SLC30A7: variants seen among roughly 807,000 people sequenced by gnomAD.
SLC30A7 encodes the protein solute carrier family 30 member 7.
SLC30A7 carries 35 observed loss-of-function variants against 46.0 expected under a neutral mutation model. That is an observed-to-expected ratio of 0.76 (90% confidence interval 0.58 to 1.01). The LOEUF is 1.01. Among genes scored for constraint, SLC30A7 ranks in the 50% least tolerant of loss-of-function variants. The probability of loss-of-function intolerance (pLI) is 0.00; values close to 1 mark genes in which losing one functional copy is unlikely to be tolerated. For missense variants in SLC30A7, 464 were observed against 451.1 expected (o/e 1.03, Z -0.26); for synonymous variants, 147 against 157.8 (o/e 0.93, Z 0.51).
chr1:100,949,710 C>G lies in SLC30A7; in HGVS notation c.843-12118C>G, dbSNP rs77104752. Among the ~76,000 whole-genome samples, 998 of 152,274 alleles carry G rather than the reference C, an allele frequency of 6.6e-3. 17 individuals carry two copies. The highest frequency in any genetic ancestry group is 0.021 in the African/African-American group (869 of 41,554). ...GGCTGTTTTGTTTACCTACTCAAGCCTCAGCAATACAGATGCCCCTCCCCC... is the reference window on the plus strand; with the variant it reads ...GGCTGTTTTGTTTACCTACTCAAGCGTCAGCAATACAGATGCCCCTCCCCC... On this transcript the variant is annotated intron_variant, in intron 8 of 10. Coordinates refer to ENST00000357650, the MANE Select transcript of SLC30A7 (RefSeq NM_133496.5).
At chr1:100,964,571 C>T (rs1452252270) in intron 9 of SLC30A7, among the ~76,000 whole-genome samples, 3 of 152,166 alleles carry the variant, frequency 2.0e-5, no homozygotes, top group African/African-American at 7.2e-5. Flanking sequence ...CATCTTCTTT[C>T]TACTGTATCA....
At chr1:100,923,006 T>G (rs866357127) in intron 8 of SLC30A7, among the ~76,000 whole-genome samples, 25 of 25,100 alleles carry the variant, frequency 1.0e-3, no homozygotes, top group African/African-American at 6.5e-3. Context: ...TAGAATAGAT[T>G]TTTTTTTTTT....
intron 8 of SLC30A7, among the ~76,000 whole-genome samples, chr1:100,936,419 A>G (rs971690508): frequency 1.3e-5 from 2 of 152,128 alleles, no homozygotes; most frequent in Admixed American, 6.5e-5. Context: ...ACACACTCCT[A>G]TATGTACTCT....
intron 4 of SLC30A7, 69 bp downstream of exon 4, chr1:100,911,219 A>G: frequency 1.8e-6 from 2 of 1,096,684 alleles, no homozygotes; most frequent in Non-Finnish European, 2.6e-6. Context: ...AATTAAAGAT[A>G]TATGTAAGTT....
intron 2 of SLC30A7, among the ~76,000 whole-genome samples, chr1:100,901,680 G>A (rs1309019986): frequency 6.6e-6 from 1 of 152,132 alleles, no homozygotes; most frequent in Non-Finnish European, 1.5e-5. Flanking sequence ...CTGACCTCAG[G>A]TGATCCACCC....
At chr1:100,933,473 T>C (rs1653783381) in intron 8 of SLC30A7, among the ~76,000 whole-genome samples, 1 of 152,078 alleles carries the variant, frequency 6.6e-6, no homozygotes, top group African/African-American at 2.4e-5. Context: ...ACATGCAGGT[T>C]TGTTACATAT....
At chr1:100,922,272 C>G (rs909101304) in intron 8 of SLC30A7, among the ~76,000 whole-genome samples, 2 of 151,910 alleles carry the variant, frequency 1.3e-5, no homozygotes, top group African/African-American at 4.8e-5. Context: ...GGCCAGATAC[C>G]CTTTTCATTT....
chr1:100,947,578 G>A (rs1654710652), intron 8 of SLC30A7, among the ~76,000 whole-genome samples: 1 of 152,174 alleles, frequency 6.6e-6, no homozygotes, highest in South Asian at 2.1e-4. Flanking sequence ...TTCGCTTAGT[G>A]CAGAGTTGAG....
chr1:100,962,027 A>G, intron 9 of SLC30A7, 109 bp downstream of exon 9: 1 of 587,212 alleles, frequency 1.7e-6, no homozygotes, highest in Non-Finnish European at 2.9e-6. Flanking sequence ...TGTTTCTTCC[A>G]AGATTGAATG....
At position 100,921,793 on chromosome 1, in the gene SLC30A7, T is replaced by C; in HGVS notation, c.794T>C (p.Ile265Thr). Residue 265 changes from isoleucine to threonine, a missense_variant, in exon 8 of 11, where the codon ATA becomes ACA. Physicochemically the swap from Ile to Thr is moderately conservative, Grantham distance 89. Coordinates refer to ENST00000357650, the MANE Select transcript of SLC30A7 (RefSeq NM_133496.5). ...ATGATGCAAAATTTTGGTCTGATGA[T>C]AGCAGATCCTATCTGTTCAATTCTT... is the stretch of plus-strand genomic sequence containing the variant. ...AIMMQNFGLM[I>T]ADPICSILIA... 2 of 1,613,254 alleles carry C rather than the reference T, an allele frequency of 1.2e-6. No homozygotes were observed. Among genetic ancestry groups the C allele is most frequent in the Non-Finnish European group, 8.5e-7 (1 of 1,179,600 alleles).
chr1:100,943,818 T>C (rs1412558269), intron 8 of SLC30A7, among the ~76,000 whole-genome samples: 2 of 152,216 alleles, frequency 1.3e-5, no homozygotes, highest in African/African-American at 4.8e-5. Flanking sequence ...TTCAAGAATA[T>C]TATTAAGAAA....
intron 6 of SLC30A7, among the ~76,000 whole-genome samples, chr1:100,915,462 A>G (rs553402622): frequency 1.3e-5 from 2 of 152,100 alleles, no homozygotes; most frequent in Admixed American, 6.5e-5. Flanking sequence ...ACTGGCAACC[A>G]CTATTCTATT....
intron 8 of SLC30A7, among the ~76,000 whole-genome samples, chr1:100,952,997 G>A (rs759903687): frequency 1.3e-5 from 2 of 152,200 alleles, no homozygotes; most frequent in Non-Finnish European, 2.9e-5. Context: ...CTGGTGGAAG[G>A]TGATTGGATC....
intron 8 of SLC30A7, chr1:100,941,108 C>T: frequency 3.1e-6 from 1 of 325,170 alleles, no homozygotes. Context: ...CCTCCACCAC[C>T]ATAGGGGCCA....
At chr1:100,930,168 A>G (rs1030162115) in intron 8 of SLC30A7, among the ~76,000 whole-genome samples, 6 of 152,032 alleles carry the variant, frequency 3.9e-5, no homozygotes, top group African/African-American at 1.4e-4. Context: ...AAAAAAATCA[A>G]TTTTCTGCAA....
chr1:100,983,749 A>G (rs1657112457), downstream of SLC30A7, among the ~76,000 whole-genome samples: 1 of 152,254 alleles, frequency 6.6e-6, no homozygotes, highest in Non-Finnish European at 1.5e-5. Flanking sequence ...GTATTTTTTA[A>G]GTAAACAAGA....
intron 8 of SLC30A7, chr1:100,941,921 T>C: frequency 3.3e-6 from 1 of 302,858 alleles, no homozygotes; most frequent in South Asian, 4.2e-5. Context: ...CAGCTTTGTT[T>C]CAAAGCCAAC....
the SLC30A7 span, among the ~76,000 whole-genome samples, chr1:100,991,641 T>G: frequency 2.0e-5 from 3 of 150,932 alleles, no homozygotes; most frequent in African/African-American, 7.3e-5. Context: ...ACAAAAAAAT[T>G]AGCTGGGTGT....
In SLC30A7 at chr1:100,928,527, A is replaced by C. The variant is rs183159625; in HGVS notation, c.842+6686A>C. 1.2e-3 allele frequency among the ~76,000 whole-genome samples: 184 copies of C among 152,190 alleles called. 1 individual carries two copies. The highest frequency in any genetic ancestry group is 4.2e-3 in the African/African-American group (173 of 41,538). ...AAAATATAGAAAAAGATAAGGAAAA[A>C]TTACCATAAGAGACCCATGTTAATA... On this transcript the variant is annotated intron_variant, in intron 8 of 10. Transcript: ENST00000357650.
Sources: gnomAD v4.1 joint callset for allele counts (sites outside exome capture counted in the v4.1 genomes callset) on GRCh38, gnomAD v4.1.1 for gene constraint, MANE v1.5 for transcripts, NCBI Gene and HGNC (gene_info 2026-07-23, HGNC 2026-07-21) for gene names.